Variants in PKD1 observed in about 807,000 individuals in gnomAD.
PKD1 encodes the protein polycystin-1.
A neutral mutation model predicts 361.7 loss-of-function variants in PKD1; 81 were observed. The observed-to-expected ratio is 0.22, with a 90% CI of 0.19 to 0.27. The LOEUF is 0.27. PKD1 is among the 10% of genes least tolerant of loss of function. The pLI, the probability that PKD1 is intolerant of heterozygous loss-of-function variation, is 1.00. For synonymous variants in PKD1, 3,615 were observed against 2,818.3 expected (o/e 1.28, Z -8.95); for missense variants, 6,399 against 6,118.3 (o/e 1.05, Z -1.53).
chr16:2,090,346 T>C lies in PKD1; in HGVS notation c.12383A>G (p.Glu4128Gly). 1 of 1,612,450 alleles carries C rather than the reference T, an allele frequency of 6.2e-7. No homozygotes were observed. The highest frequency in any genetic ancestry group is 8.5e-7 in the Non-Finnish European group (1 of 1,179,818). ...YRPAWEPQDY[E>G]MVELFLRRLR... is the part of the protein sequence containing the mutation. ...CCTGCGCAGGAACAACTCCACCATC[T>C]CGTAGTCCTGGGGCTCCCAGGCCGG... The change falls in exon 45 of 46, where the codon GAG becomes GGG. Residue 4128 changes from glutamate to glycine, a missense_variant. Glu to Gly is a moderately conservative substitution (Grantham distance 98). Transcript: ENST00000262304.
intron 16 of PKD1, chr16:2,107,453 G>A: frequency 2.8e-6 from 1 of 360,710 alleles, no homozygotes; most frequent in Non-Finnish European, 5.3e-6. Context: ...CCACTCTGGG[G>A]CACCAGCAGG....
chr16:2,135,517 G>A lies in PKD1; in HGVS notation c.173C>T (p.Thr58Met), dbSNP rs937748491. 4 of 1,167,358 alleles carry A rather than the reference G, an allele frequency of 3.4e-6. No homozygotes were observed. Among genetic ancestry groups the A allele is most frequent in the Non-Finnish European group, 4.2e-6 (4 of 945,946 alleles). The allele number at this position is 1,167,358 out of a possible 1,614,324, so 72.3% of individuals were successfully genotyped here. Reference protein sequence around the residue: ...RVNCSGRGLRTLGPALRIPAD... With the variant: ...RVNCSGRGLRMLGPALRIPAD... ...GGGGATGCGCAGCGCGGGACCGAGC[G>A]TCCGCAGCCCGCGGCCCGAGCAGTT... Residue 58 changes from threonine to methionine, a missense_variant, in exon 1 of 46, where the codon ACG becomes ATG. Coordinates refer to ENST00000262304, the MANE Select transcript of PKD1 (RefSeq NM_001009944.3).
chr16:2,113,975 C>A, intron 11 of PKD1, 195 bp downstream of exon 11: 1 of 605,230 alleles, frequency 1.7e-6, no homozygotes, highest in East Asian at 2.8e-5. Flanking sequence ...GAGCCACTGT[C>A]AGAGCCGTGA....
At chr16:2,112,757 C>A (rs1048586215) in intron 13 of PKD1, 31 bp downstream of exon 13, 3 of 1,587,922 alleles carry the variant, frequency 1.9e-6, no homozygotes, top group African/African-American at 2.7e-5. Context: ...GAGCCTGGTG[C>A]CCACCCCAAA....
In PKD1 at chr16:2,090,933, G is replaced by A. The variant is rs749274013; in HGVS notation, c.11954C>T (p.Ser3985Phe). Residue 3985 changes from serine (S) to phenylalanine (F), a missense_variant, in exon 43 of 46, where the codon TCC becomes TTC. Transcript: ENST00000262304. ...TSFDQVAQLSSAARGLAASLL... is the reference protein window; with the variant it reads ...TSFDQVAQLSFAARGLAASLL... ...CGAGGCCGCCAGGCCACGGGCTGCG[G>A]AGCTCAGCTGCGCCACCTGGTCGAA... 5.1e-6 allele frequency: 8 copies of A among 1,576,398 alleles called. No individual in the cohort carries two copies. The highest frequency in any genetic ancestry group is 3.4e-5 in the South Asian group (3 of 88,618).
intron 1 of PKD1, 104 bp downstream of exon 1, chr16:2,135,371 G>T (rs1020477806): frequency 1.8e-4 from 194 of 1,063,914 alleles, no homozygotes; most frequent in Non-Finnish European, 1.9e-4. Context: ...CCTCGCCCTG[G>T]GAGCGTCCTG....
At chr16:2,105,646 G>A (rs974741413) in intron 20 of PKD1, 172 bp from the exon 21 acceptor site, 16 of 1,481,836 alleles carry the variant, frequency 1.1e-5, no homozygotes, top group East Asian at 2.4e-5. Context: ...AAGCACATGG[G>A]CCCTCCTGGG....
chr16:2,097,859 A>G lies in PKD1; in HGVS notation c.10167+9T>C, dbSNP rs752507302. The G allele has an allele frequency of 2.5e-6, 4 of 1,605,544 alleles. No homozygotes were observed. The highest frequency in any genetic ancestry group is 2.2e-5 in the South Asian group (2 of 90,904). On this transcript the variant is annotated intron_variant, in intron 31 of 45. Transcript: ENST00000262304. ...CAGCCCAGCCCAGGACCCCCAGTAG[A>G]GTCCTCACCTCAGCGTGGAGGCCTG...
rs1048529082 is a variant in PKD1, at chr16:2,092,899, G to A, written c.11156+55C>T. On this transcript the variant is annotated intron_variant, in intron 38 of 45. Coordinates refer to ENST00000262304, the MANE Select transcript of PKD1 (RefSeq NM_001009944.3). ...CCACATGTCCCCTAGGGTCTGGCTGGACTAAAGGCAAAACTAAAGCCCAGA... is the reference window on the plus strand; with the variant it reads ...CCACATGTCCCCTAGGGTCTGGCTGAACTAAAGGCAAAACTAAAGCCCAGA... The A allele has an allele frequency of 3.3e-5, 53 of 1,605,950 alleles. No homozygotes were observed. In the South Asian group the frequency reaches 5.4e-4, roughly 16 times the overall value.
rs762713883 is a variant in PKD1 at position 2,100,218 on chromosome 16, C to G, written c.9660G>C (p.Ser3220=). 2 of 1,610,310 alleles carry G rather than the reference C, an allele frequency of 1.2e-6. No individual in the cohort carries two copies. Among genetic ancestry groups the G allele is most frequent in the Non-Finnish European group, 1.7e-6 (2 of 1,179,574 alleles). ...GGCCCCCGTTGGCCTCCGTCTCCAC[C>G]GAAAGCCAGTCATTGACCAGGAAGA... ...SAFFLVNDWL[S]VETEANGGLV... Residue 3220 remains serine, a synonymous_variant, in exon 28 of 46, where the codon TCG becomes TCC. Coordinates refer to ENST00000262304, the MANE Select transcript of PKD1 (RefSeq NM_001009944.3). This position sits in a 1 kb window ranked among gnomAD's most constrained non-coding sequence, Gnocchi z 4.4.
chr16:2,105,629 A>C (rs966445643), intron 20 of PKD1, 155 bp from the exon 21 acceptor site: 10 of 1,547,202 alleles, frequency 6.5e-6, no homozygotes, highest in Non-Finnish European at 7.8e-6. Context: ...CATGGGCAAA[A>C]CAGGGTAAGC....
intron 1 of PKD1, among the ~76,000 whole-genome samples, chr16:2,122,474 C>T (rs367700611): frequency 2.0e-5 from 3 of 152,336 alleles, no homozygotes; most frequent in East Asian, 1.9e-4. Flanking sequence ...GGTAGGGACA[C>T]GGGCTGAGGT....
intron 1 of PKD1, among the ~76,000 whole-genome samples, chr16:2,120,413 C>G (rs1318946508): frequency 6.6e-6 from 1 of 152,166 alleles, no homozygotes; most frequent in Non-Finnish European, 1.5e-5. Context: ...AAGAAAACGT[C>G]AACTATTCCA....
At chr16:2,133,051 C>A (rs1596630545) in intron 1 of PKD1, 1 of 139,446 alleles carries the variant, frequency 7.2e-6, no homozygotes. Context: ...CATTGCACTC[C>A]AGCCTTGGCA....
At chr16:2,102,767 C>T (rs763998126) in intron 24 of PKD1, 47 bp downstream of exon 24, 256 of 1,608,396 alleles carry the variant, frequency 1.6e-4, no homozygotes, top group Middle Eastern at 2.2e-4. Flanking sequence ...GCAATGCTGA[C>T]CCATGATGCC....
chr16:2,134,747 C>G (rs1285794699), intron 1 of PKD1, among the ~76,000 whole-genome samples: 6 of 148,420 alleles, frequency 4.0e-5, no homozygotes, highest in Admixed American at 1.3e-4. Flanking sequence ...AGGAGCCTGG[C>G]ACAGACCTGG....
rs781643076 is a variant in PKD1, at chr16:2,109,574, G to A, written c.5593C>T (p.Arg1865Trp). 34 of 1,611,506 alleles carry A rather than the reference G, an allele frequency of 2.1e-5. No individual in the cohort carries two copies. The highest frequency in any genetic ancestry group is 6.7e-5 in the East Asian group (3 of 44,872). ...CTGACTGCGTTGGAGGCATTGAGCC[G>A]GATGGAGAAGGTGCCAGCATCCGGG... The part of the protein sequence containing the change: ...VFPDAGTFSI[R>W]LNASNAVSWV... The change falls in exon 15 of 46, where the codon CGG (arginine) becomes TGG (tryptophan). Residue 1865 changes from arginine (R) to tryptophan (W), a missense_variant. Physicochemically the swap from Arg to Trp is moderately radical, Grantham distance 101. Transcript: ENST00000262304.
chr16:2,111,053 T>C lies in PKD1; in HGVS notation c.4114A>G (p.Thr1372Ala). 1 of 1,610,584 alleles carries C rather than the reference T, an allele frequency of 6.2e-7. No homozygotes were observed. Among genetic ancestry groups the C allele is most frequent in the Non-Finnish European group, 8.5e-7 (1 of 1,179,782 alleles). Reference protein sequence around the residue: ...SSRVNRAHYFTSICVEPEVGN... With the variant: ...SSRVNRAHYFASICVEPEVGN... ...ACCTCTGGCTCCACGCAGATGCTGG[T>C]GAAGTAATGCGCCCTGTTCACGCGG... is the stretch of plus-strand genomic sequence containing the variant. Residue 1372 changes from threonine to alanine, a missense_variant, in exon 15 of 46, where the codon ACC (threonine) becomes GCC (alanine). Coordinates refer to ENST00000262304, the MANE Select transcript of PKD1 (RefSeq NM_001009944.3).
Position 2,100,199 on chromosome 16 carries a change from C to T in PKD1, c.9679G>A (p.Gly3227Arg), listed in dbSNP as rs1459262773. Residue 3227 changes from glycine (G) to arginine (R), a missense_variant, in exon 28 of 46, where the codon GGG becomes AGG. By Grantham distance (125) the Gly-to-Arg change is moderately radical. Coordinates refer to ENST00000262304, the MANE Select transcript of PKD1 (RefSeq NM_001009944.3). The surrounding 1 kb of genome is among the most constrained non-coding windows in gnomAD (Gnocchi z 4.4). ...AGCACCTCCTTCTCCACCAGGCCCC[C>T]GTTGGCCTCCGTCTCCACCGAAAGC... is the stretch of plus-strand genomic sequence containing the variant. Reference protein sequence around the residue: ...DWLSVETEANGGLVEKEVLAA... With the variant: ...DWLSVETEANRGLVEKEVLAA... The T allele has an allele frequency of 7.5e-6, 12 of 1,609,626 alleles. No individual in the cohort carries two copies. Among genetic ancestry groups the T allele is most frequent in the African/African-American group, 4.0e-5 (3 of 74,822 alleles).
Sources: allele counts gnomAD v4.1 joint callset (sites outside exome capture counted in the v4.1 genomes callset), GRCh38; gene constraint gnomAD v4.1.1; non-coding constraint Gnocchi (gnomAD v3.1); transcripts MANE v1.5; gene names NCBI Gene and HGNC (gene_info 2026-07-23, HGNC 2026-07-21).